AFF3: variants seen among roughly 807,000 people sequenced by gnomAD.
AFF3 encodes ALF transcription elongation factor 3, also known as AF4/FMR2 family member 3.
AFF3 carries 32 observed loss-of-function variants against 129.7 expected under a neutral mutation model. The ratio of observed to expected loss-of-function variants is 0.25; its 90% CI spans 0.19 to 0.33. The LOEUF is 0.33. AFF3 is among the 10% of genes least tolerant of loss of function. The probability of loss-of-function intolerance (pLI) is 1.00; values close to 1 mark genes in which losing one functional copy is unlikely to be tolerated. For synonymous variants in AFF3, 644 were observed against 635.4 expected (o/e 1.01, Z -0.20); for missense variants, 1,373 against 1,592.0 (o/e 0.86, Z 2.34).
chr2:99,814,978 T>A lies in AFF3; in HGVS notation c.921+22499A>T, dbSNP rs142563355. Among the ~76,000 whole-genome samples the A allele has an allele frequency of 2.0e-5, 3 of 152,066 alleles. No homozygotes were observed. In the East Asian group the frequency reaches 5.8e-4, roughly 29 times the overall value. On this transcript the variant is annotated intron_variant, in intron 8 of 24. Transcript: ENST00000672756. The stretch of plus-strand genomic sequence containing the variant: ...GATTCTCATGCCTTAGCCTCCCAAG[T>A]AGCTGGGATTACAGGCGTGTACCAT...
intron 7 of AFF3, among the ~76,000 whole-genome samples, chr2:99,976,394 T>C (rs1431551576): frequency 6.6e-6 from 1 of 152,224 alleles, no homozygotes. Context: ...AATGAAATTG[T>C]ATGGCATCGT....
chr2:99,577,424 C>T (rs1677103838), intron 18 of AFF3, among the ~76,000 whole-genome samples: 2 of 152,124 alleles, frequency 1.3e-5, no homozygotes, highest in South Asian at 4.1e-4. Flanking sequence ...GCATTTGTCA[C>T]TGGGACTCTT....
intron 13 of AFF3, among the ~76,000 whole-genome samples, chr2:99,606,723 G>C (rs1204370104): frequency 6.6e-6 from 1 of 151,692 alleles, no homozygotes; most frequent in Non-Finnish European, 1.5e-5. Context: ...GACCATCCTG[G>C]CTAACATGGT....
intron 8 of AFF3, among the ~76,000 whole-genome samples, chr2:99,774,096 A>T (rs1683702696): frequency 6.6e-6 from 1 of 152,248 alleles, no homozygotes; most frequent in Admixed American, 6.5e-5. Flanking sequence ...TGACACAAAC[A>T]AATGGAAAAA....
Position 99,587,170 on chromosome 2 carries a change from T to G in AFF3, c.2575A>C (p.Asn859His). The G allele has an allele frequency of 1.2e-6, 2 of 1,614,196 alleles. No individual in the cohort carries two copies. The highest frequency in any genetic ancestry group is 1.7e-6 in the Non-Finnish European group (2 of 1,180,040). ...TSNTLSANHC[N>H]MNINSVAIPI... ...TGCACGTACCTGTTGATGTTCATGT[T>G]GCAGTGGTTTGCAGACAAAGTATTA... Residue 859 changes from asparagine to histidine, a missense_variant, in exon 16 of 25, where the codon AAC (asparagine) becomes CAC (histidine). Physicochemically the swap from Asn to His is moderately conservative, Grantham distance 68. Coordinates refer to ENST00000672756, the MANE Select transcript of AFF3 (RefSeq NM_001386135.1).
At chr2:100,012,507 T>G (rs1295582256) in intron 4 of AFF3, among the ~76,000 whole-genome samples, 1 of 152,306 alleles carries the variant, frequency 6.6e-6, no homozygotes, top group East Asian at 1.9e-4. Context: ...GTCTGAACTC[T>G]CACCTTTCTA....
At chr2:99,718,875 C>T (rs1051826021) in intron 11 of AFF3, among the ~76,000 whole-genome samples, 11 of 151,708 alleles carry the variant, frequency 7.3e-5, no homozygotes, top group African/African-American at 2.2e-4. Context: ...CTCAGCCTCC[C>T]GAGTAGCTGG....
intron 13 of AFF3, among the ~76,000 whole-genome samples, chr2:99,627,685 A>G (rs1180603375): frequency 6.6e-6 from 1 of 152,158 alleles, no homozygotes; most frequent in Admixed American, 6.6e-5. Flanking sequence ...GTTGTCTTCC[A>G]GGGTTTTTAT....
chr2:99,565,376 A>G, intron 20 of AFF3, 111 bp downstream of exon 20: 5 of 1,460,898 alleles, frequency 3.4e-6, no homozygotes, highest in South Asian at 2.6e-5. Context: ...GGGGATGAAC[A>G]CTGGTTCCTG....
intron 13 of AFF3, among the ~76,000 whole-genome samples, chr2:99,645,132 C>T (rs147475299): frequency 0.061 from 9,349 of 152,152 alleles, 406 homozygotes; most frequent in East Asian, 0.12. Flanking sequence ...CCCAGGAGTT[C>T]GAGACCTGCC....
intron 4 of AFF3, among the ~76,000 whole-genome samples, chr2:100,055,463 A>AG (rs1491364728): frequency 1.7e-5 from 1 of 60,454 alleles, no homozygotes; most frequent in African/African-American, 5.5e-5. Flanking sequence ...TAGAAATCTT[A>AG]AAAAAAAAAA....
chr2:99,592,923 G>A (rs538662678), intron 15 of AFF3, among the ~76,000 whole-genome samples: 9 of 134,598 alleles, frequency 6.7e-5, no homozygotes, highest in African/African-American at 2.6e-4. Context: ...GCGACAGAGT[G>A]AGACTCCCTC....
chr2:99,721,324 A>G (rs534628458), intron 11 of AFF3, among the ~76,000 whole-genome samples: 2 of 152,064 alleles, frequency 1.3e-5, no homozygotes, highest in Non-Finnish European at 2.9e-5. Context: ...AGATCAGGAG[A>G]TTGAGATCAT....
At chr2:99,711,590 T>C (rs1435356763) in intron 11 of AFF3, among the ~76,000 whole-genome samples, 1 of 152,082 alleles carries the variant, frequency 6.6e-6, no homozygotes, top group Non-Finnish European at 1.5e-5. Context: ...TTAGGAGGTT[T>C]TACATCTCAA....
chr2:99,652,991 C>CCT (rs1189592366), intron 12 of AFF3, among the ~76,000 whole-genome samples: 1 of 152,062 alleles, frequency 6.6e-6, no homozygotes, highest in Non-Finnish European at 1.5e-5. Context: ...TGGGTGCTTC[C>CCT]CTCTCCCCTC....
At chr2:99,893,478 C>A (rs1417028904) in intron 7 of AFF3, among the ~76,000 whole-genome samples, 1 of 152,144 alleles carries the variant, frequency 6.6e-6, no homozygotes, top group African/African-American at 2.4e-5. Flanking sequence ...TGGATCAGAT[C>A]AGGAAGGCGG....
chr2:99,978,521 C>T (rs555981451), intron 7 of AFF3, among the ~76,000 whole-genome samples: 61 of 152,160 alleles, frequency 4.0e-4, no homozygotes, highest in Non-Finnish European at 8.1e-4. Context: ...TGGACACCAT[C>T]GGGATAACGG....
rs916688907 is a variant in AFF3 at position 99,627,227 on chromosome 2, C to T, written c.1184+22399G>A. ...TAACGTTCCTTTTTCTCCACAACCTCGCTAACATCTGTTTTTTTTTGACTT... is the reference window on the plus strand; with the variant it reads ...TAACGTTCCTTTTTCTCCACAACCTTGCTAACATCTGTTTTTTTTTGACTT... On this transcript the variant is annotated intron_variant, in intron 13 of 24. Coordinates refer to ENST00000672756, the MANE Select transcript of AFF3 (RefSeq NM_001386135.1). Among the ~76,000 whole-genome samples the T allele has an allele frequency of 2.0e-5, 3 of 152,222 alleles. No individual in the cohort carries two copies. The South Asian group carries it at 6.2e-4, about 32-fold the overall frequency.
chr2:100,123,172 G>T (rs958749056), intron 2 of AFF3, among the ~76,000 whole-genome samples: 1 of 152,152 alleles, frequency 6.6e-6, no homozygotes, highest in Non-Finnish European at 1.5e-5. Context: ...TCTACCATTT[G>T]GCTTGGCCAA....
Sources: allele counts gnomAD v4.1 joint callset (sites outside exome capture counted in the v4.1 genomes callset), GRCh38; gene constraint gnomAD v4.1.1; transcripts MANE v1.5; gene names NCBI Gene and HGNC (gene_info 2026-07-23, HGNC 2026-07-21).